The following CNTNAP5 variants were observed in gnomAD, a reference collection of about 807,000 sequenced individuals.
CNTNAP5 encodes the protein contactin-associated protein-like 5.
CNTNAP5 carries 72 observed loss-of-function variants against 150.2 expected under a neutral mutation model. That is an observed-to-expected ratio of 0.48 (90% CI 0.40 to 0.58). The LOEUF is 0.58. Among genes scored for constraint, CNTNAP5 ranks in the 20% least tolerant of loss-of-function variants. CNTNAP5 has a pLI of 0.00. For synonymous variants in CNTNAP5, 672 were observed against 619.8 expected (o/e 1.08, Z -1.25); for missense variants, 1,636 against 1,626.2 (o/e 1.01, Z -0.10).
intron 3 of CNTNAP5, among the ~76,000 whole-genome samples, chr2:124,339,379 G>A (rs918453747): frequency 6.6e-6 from 1 of 152,076 alleles, no homozygotes; most frequent in Non-Finnish European, 1.5e-5. Context: ...GTAGACAAAG[G>A]AATGAAGAGG....
intron 3 of CNTNAP5, among the ~76,000 whole-genome samples, chr2:124,286,092 C>T (rs1400566074): frequency 6.6e-6 from 1 of 152,098 alleles, no homozygotes; most frequent in African/African-American, 2.4e-5. Flanking sequence ...GATAACAGAA[C>T]ACTAAACTAG....
chr2:124,178,847 G>A (rs995469275), intron 1 of CNTNAP5, among the ~76,000 whole-genome samples: 9 of 152,022 alleles, frequency 5.9e-5, no homozygotes, highest in African/African-American at 1.9e-4. Flanking sequence ...TAAATAGATA[G>A]CAACAGCAAT....
intron 12 of CNTNAP5, among the ~76,000 whole-genome samples, chr2:124,617,537 G>A (rs183397613): frequency 7.9e-5 from 12 of 152,178 alleles, no homozygotes; most frequent in African/African-American, 2.9e-4. Flanking sequence ...CCATGTGCCT[G>A]TGTGTCCATT....
intron 3 of CNTNAP5, among the ~76,000 whole-genome samples, chr2:124,261,793 A>G (rs960789555): frequency 3.1e-4 from 47 of 152,224 alleles, no homozygotes; most frequent in African/African-American, 1.1e-3. Context: ...CTCTTGAGTA[A>G]GAGAAGAAAA....
At chr2:124,135,972 G>T (rs1044353978) in intron 1 of CNTNAP5, among the ~76,000 whole-genome samples, 1 of 152,206 alleles carries the variant, frequency 6.6e-6, no homozygotes, top group African/African-American at 2.4e-5. Context: ...ATGGAGTCTT[G>T]TGGTGGCGTT....
intron 3 of CNTNAP5, among the ~76,000 whole-genome samples, 179 bp from the exon 4 acceptor site, chr2:124,417,264 T>A (rs1352611594): frequency 6.6e-6 from 1 of 152,142 alleles, no homozygotes; most frequent in Non-Finnish European, 1.5e-5. Context: ...AAGAATAATG[T>A]GAAGTATTTC....
chr2:124,572,542 G>A (rs1432806237), intron 11 of CNTNAP5, among the ~76,000 whole-genome samples: 2 of 152,154 alleles, frequency 1.3e-5, no homozygotes, highest in Non-Finnish European at 2.9e-5. Flanking sequence ...GAGTCAGATA[G>A]GTGTCAGGAG....
chr2:124,480,883 T>C (rs1420331320), intron 7 of CNTNAP5, among the ~76,000 whole-genome samples: 1 of 152,192 alleles, frequency 6.6e-6, no homozygotes, highest in African/African-American at 2.4e-5. Context: ...GAACAGTTGC[T>C]TCCTTCCTTT....
intron 6 of CNTNAP5, among the ~76,000 whole-genome samples, chr2:124,473,632 A>T (rs887188873): frequency 3.9e-5 from 6 of 151,972 alleles, no homozygotes; most frequent in Middle Eastern, 3.2e-3. Flanking sequence ...GACAGCTAAA[A>T]AGAGACAGTG....
intron 1 of CNTNAP5, among the ~76,000 whole-genome samples, chr2:124,031,925 T>C (rs1432708536): frequency 6.6e-6 from 1 of 152,180 alleles, no homozygotes; most frequent in Non-Finnish European, 1.5e-5. Context: ...TTTTAAGCTG[T>C]GGTCAAGAGC....
intron 3 of CNTNAP5, among the ~76,000 whole-genome samples, chr2:124,249,799 A>C (rs1687128586): frequency 6.6e-6 from 1 of 152,152 alleles, no homozygotes; most frequent in South Asian, 2.1e-4. Flanking sequence ...GACTCTTTTC[A>C]TCGACAAGAG....
At chr2:124,130,365 C>T in intron 1 of CNTNAP5, among the ~76,000 whole-genome samples, 1 of 152,184 alleles carries the variant, frequency 6.6e-6, no homozygotes, top group Non-Finnish European at 1.5e-5. Flanking sequence ...GGCCCACCGA[C>T]TCAGGCTCAA....
intron 11 of CNTNAP5, among the ~76,000 whole-genome samples, chr2:124,576,915 G>A (rs1176847235): frequency 6.6e-6 from 1 of 152,026 alleles, no homozygotes; most frequent in African/African-American, 2.4e-5. Flanking sequence ...ACATTTTCTG[G>A]CCATCTGTGC....
Position 124,647,883 on chromosome 2 carries a change from G to A in CNTNAP5, c.2002G>A (p.Val668Met), listed in dbSNP as rs781477470. Residue 668 changes from valine (V) to methionine (M), a missense_variant, in exon 13 of 24, where the codon GTG (valine) becomes ATG (methionine). Transcript: ENST00000682447. ...GGGCAGCATGGAACAGCTGGAGGCC[G>A]TGATCGACGGCTCTGAGCACTGTGA... ...YGGSMEQLEAVIDGSEHCEQE... is the reference protein window; with the variant it reads ...YGGSMEQLEAMIDGSEHCEQE... 38 of 1,612,380 alleles carry A rather than the reference G, an allele frequency of 2.4e-5. No homozygotes were observed. In the East Asian group the frequency reaches 2.5e-4, roughly 10 times the overall value.
chr2:124,360,055 T>G (rs1306305450), intron 3 of CNTNAP5, among the ~76,000 whole-genome samples: 1 of 136,870 alleles, frequency 7.3e-6, no homozygotes, highest in African/African-American at 2.7e-5. Context: ...TTTACCATTA[T>G]GTAATGGCCT....
chr2:124,756,732 C>T (rs938931860), intron 14 of CNTNAP5, among the ~76,000 whole-genome samples: 2 of 151,832 alleles, frequency 1.3e-5, no homozygotes, highest in Non-Finnish European at 1.5e-5. Flanking sequence ...ATGAACATAT[C>T]GGGGTGGGGA....
chr2:124,736,427 A>G (rs921520484), intron 13 of CNTNAP5, among the ~76,000 whole-genome samples: 26 of 152,172 alleles, frequency 1.7e-4, no homozygotes, highest in African/African-American at 6.3e-4. Flanking sequence ...TTCATTGTGA[A>G]GAACTTGATG....
chr2:124,081,797 C>T (rs1048889048), intron 1 of CNTNAP5, among the ~76,000 whole-genome samples: 12 of 152,146 alleles, frequency 7.9e-5, no homozygotes, highest in Admixed American at 1.3e-4. Context: ...TAGATTCACA[C>T]GCGGTTGTAA....
At chr2:124,650,467 A>G (rs890320386) in intron 13 of CNTNAP5, among the ~76,000 whole-genome samples, 29 of 152,352 alleles carry the variant, frequency 1.9e-4, no homozygotes, top group African/African-American at 7.0e-4. Flanking sequence ...CATGGATTCA[A>G]CAGCCAGCAT....
Sources: allele counts gnomAD v4.1 joint callset (sites outside exome capture counted in the v4.1 genomes callset), GRCh38; gene constraint gnomAD v4.1.1; transcripts MANE v1.5; gene names NCBI Gene and HGNC (gene_info 2026-07-23, HGNC 2026-07-21).